The following NHLRC2 variants were observed in gnomAD, a reference collection of about 807,000 sequenced individuals.
The protein encoded by NHLRC2 is NHL repeat containing 2.
A neutral mutation model predicts 68.1 loss-of-function variants in NHLRC2; 33 were observed. That is an observed-to-expected ratio of 0.48 (90% CI 0.37 to 0.65). NHLRC2 has a LOEUF of 0.65. Ranked by LOEUF, NHLRC2 falls within the 30% of genes least tolerant of loss-of-function variation. The pLI, the probability that NHLRC2 is intolerant of heterozygous loss-of-function variation, is 0.00. For synonymous variants in NHLRC2, 311 were observed against 309.6 expected, an observed-to-expected ratio of 1.00 and a Z score of -0.05; for missense variants, 761 against 853.8, an observed-to-expected ratio of 0.89 and a Z score of 1.35.
At chr10:113,882,584 A>G (rs536542793) in intron 4 of NHLRC2, among the ~76,000 whole-genome samples, 3 of 151,842 alleles carry the variant, frequency 2.0e-5, no homozygotes, top group African/African-American at 7.2e-5. Flanking sequence ...TGTATATTCT[A>G]GGTACAAGTT....
intron 5 of NHLRC2, among the ~76,000 whole-genome samples, chr10:113,895,032 A>G (rs568840664): frequency 3.9e-5 from 6 of 152,324 alleles, no homozygotes; most frequent in Middle Eastern, 3.4e-3. Flanking sequence ...TGGCATGACT[A>G]TATTATCATA....
rs554713937 is a variant in NHLRC2, at chr10:113,876,817, G to A, written c.628G>A (p.Gly210Arg). ...DRGQIRDNKI[G>R]IKLYKDSLPP... ...GGGGCAGATCAGAGATAATAAAATTGGAATAAAACTCTATAAAGATTCTTT... is the reference window on the plus strand; with the variant it reads ...GGGGCAGATCAGAGATAATAAAATTAGAATAAAACTCTATAAAGATTCTTT... Residue 210 changes from glycine to arginine, a missense_variant, in exon 3 of 11, where the codon GGA (glycine) becomes AGA (arginine). Coordinates refer to ENST00000369301, the MANE Select transcript of NHLRC2 (RefSeq NM_198514.4). 14 of 1,612,714 alleles carry A rather than the reference G, an allele frequency of 8.7e-6. No individual in the cohort carries two copies. Among genetic ancestry groups the A allele is most frequent in the African/African-American group, 1.3e-5 (1 of 74,966 alleles).
At chr10:113,907,021 C>T (rs182009439) in intron 10 of NHLRC2, among the ~76,000 whole-genome samples, 155 of 152,218 alleles carry the variant, frequency 1.0e-3, no homozygotes, top group Non-Finnish European at 1.9e-3. Flanking sequence ...AAGTTCTCTA[C>T]TAATCTCTCT....
chr10:113,902,802 A>C (rs1225823076), intron 8 of NHLRC2, among the ~76,000 whole-genome samples: 1 of 152,236 alleles, frequency 6.6e-6, no homozygotes, highest in Non-Finnish European at 1.5e-5. Context: ...GAAAGCACAG[A>C]ACCAGTTCCA....
In NHLRC2 at chr10:113,914,766, A is replaced by T. The variant is rs1252835318; in HGVS notation, c.*6230A>T. The T allele has an allele frequency of 3.2e-6, 1 of 313,794 alleles. No individual in the cohort carries two copies. Among genetic ancestry groups the T allele is most frequent in the East Asian group, 8.3e-5 (1 of 12,070 alleles). The allele number at this position is 313,794 out of a possible 1,614,324, so 19.4% of individuals were successfully genotyped here. On this transcript the variant is annotated 3_prime_UTR_variant, in exon 11 of 11. Transcript: ENST00000369301. ...GCACAGTTTATTTAAATGAAGTATTAGCAATAATCATGTCACTATTTTGTC... is the reference window on the plus strand; with the variant it reads ...GCACAGTTTATTTAAATGAAGTATTTGCAATAATCATGTCACTATTTTGTC...
At chr10:113,859,734 A>ATG (rs1305408582) in intron 2 of NHLRC2, among the ~76,000 whole-genome samples, 1 of 151,500 alleles carries the variant, frequency 6.6e-6, no homozygotes, top group Admixed American at 6.6e-5. Flanking sequence ...ACATGTTGTT[A>ATG]TGTGCAGGGT....
rs1049899536 is a variant in NHLRC2 at position 113,901,675 on chromosome 10, A to C, written c.1149A>C (p.Thr383=). 6.2e-7 allele frequency: 1 copy of C among 1,613,172 alleles called. No homozygotes were observed. Among genetic ancestry groups the C allele is most frequent in the Non-Finnish European group, 8.5e-7 (1 of 1,179,088 alleles). ...AACTTGTCTTTTTCAGTGAGTTAACAAAAGGAACCTGCCTTAGGTTTGCTG... is the reference window on the plus strand; with the variant it reads ...AACTTGTCTTTTTCAGTGAGTTAACCAAAGGAACCTGCCTTAGGTTTGCTG... ...SGKLPKKNEL[T]KGTCLRFAGS... is the part of the protein sequence containing the mutation. The change falls in exon 7 of 11, where the codon ACA becomes ACC. Residue 383 remains threonine, a synonymous_variant. Coordinates refer to ENST00000369301, the MANE Select transcript of NHLRC2 (RefSeq NM_198514.4).
Position 113,908,295 on chromosome 10 carries a change from T to C in NHLRC2, c.1940T>C (p.Leu647Pro). ...FLTAEGNEWL[L>P]QGQIAAGDIE... is the part of the protein sequence containing the mutation. ...TGATTTTTAGGCAATGAATGGCTAC[T>C]TCAAGGACAGATAGCAGCTGGAGAT... The change falls in exon 11 of 11, where the codon CTT becomes CCT. Residue 647 changes from leucine to proline, a missense_variant. By Grantham distance (98) the Leu-to-Pro change is moderately conservative. Coordinates refer to ENST00000369301, the MANE Select transcript of NHLRC2 (RefSeq NM_198514.4). 1.9e-6 allele frequency: 3 copies of C among 1,613,578 alleles called. No homozygotes were observed. In the South Asian group the frequency reaches 3.3e-5, roughly 18 times the overall value.
chr10:113,875,640 A>G (rs776638158), intron 2 of NHLRC2, among the ~76,000 whole-genome samples: 4 of 152,158 alleles, frequency 2.6e-5, no homozygotes, highest in Non-Finnish European at 5.9e-5. Context: ...CTGCTGTACA[A>G]TCTATCTGGT....
At chr10:113,895,700 A>C (rs947959357) in intron 5 of NHLRC2, among the ~76,000 whole-genome samples, 10 of 152,112 alleles carry the variant, frequency 6.6e-5, no homozygotes, top group Non-Finnish European at 1.3e-4. Context: ...TGATGTGCTC[A>C]TTTTACAGAT....
In NHLRC2 at chr10:113,898,215, T is replaced by C. The variant is rs962227561; in HGVS notation, c.1139+6T>C. The C allele has an allele frequency of 1.3e-6, 2 of 1,581,248 alleles. No homozygotes were observed. The highest frequency in any genetic ancestry group is 1.7e-6 in the Non-Finnish European group (2 of 1,150,470). The stretch of plus-strand genomic sequence containing the variant: ...GGCAAACTGCCAAAGAAAAAGTAAG[T>C]GACAGCCTCTCTCTTTGAGTAGACT... On this transcript the variant is annotated splice_donor_region_variant and intron_variant, in intron 6 of 10. Transcript: ENST00000369301.
chr10:113,873,435 G>T (rs1845948246), intron 2 of NHLRC2, among the ~76,000 whole-genome samples: 1 of 152,094 alleles, frequency 6.6e-6, no homozygotes, highest in Non-Finnish European at 1.5e-5. Context: ...AATAATGAGA[G>T]AACTAATAGA....
At chr10:113,897,623 C>T (rs1846188200) in intron 5 of NHLRC2, among the ~76,000 whole-genome samples, 3 of 152,208 alleles carry the variant, frequency 2.0e-5, no homozygotes, top group Admixed American at 1.3e-4. Flanking sequence ...TTCGTAGTCC[C>T]GGGTTGTGGC....
chr10:113,900,348 G>T (rs1846216969), intron 6 of NHLRC2, among the ~76,000 whole-genome samples: 1 of 152,122 alleles, frequency 6.6e-6, no homozygotes, highest in African/African-American at 2.4e-5. Flanking sequence ...TTTACATGAG[G>T]CATAATTATA....
intron 3 of NHLRC2, among the ~76,000 whole-genome samples, chr10:113,878,843 T>C (rs1299492951): frequency 6.6e-6 from 1 of 152,140 alleles, no homozygotes; most frequent in African/African-American, 2.4e-5. Context: ...GTTTGTTTTC[T>C]AGCCACTCTG....
rs896647914 is a variant in NHLRC2, at chr10:113,855,022, G to A, written c.150G>A (p.Gln50=). ...TGCAGAAGGTGGACGGCTGGGAGCA[G>A]GACTTGTCAGTACCCGAGTTTCCGG... ...QYLQKVDGWE[Q]DLSVPEFPEG... The change falls in exon 1 of 11, where the codon CAG becomes CAA. Residue 50 remains glutamine, a synonymous_variant. Coordinates refer to ENST00000369301, the MANE Select transcript of NHLRC2 (RefSeq NM_198514.4). 23 of 1,553,068 alleles carry A rather than the reference G, an allele frequency of 1.5e-5. No homozygotes were observed. Among genetic ancestry groups the A allele is most frequent in the East Asian group, 1.5e-4 (6 of 41,060 alleles).
chr10:113,886,525 T>C (rs1846084055), intron 5 of NHLRC2, among the ~76,000 whole-genome samples: 2 of 152,096 alleles, frequency 1.3e-5, no homozygotes, highest in Non-Finnish European at 2.9e-5. Context: ...GGTACTGTTA[T>C]AAAAACACAC....
At chr10:113,897,517 TTACTC>T (rs1846187208) in intron 5 of NHLRC2, among the ~76,000 whole-genome samples, 1 of 152,230 alleles carries the variant, frequency 6.6e-6, no homozygotes. Flanking sequence ...CCTCCAAGCA[TTACTC>T]TAAGTGCATC....
At chr10:113,864,613 C>T (rs1406311650) in intron 2 of NHLRC2, among the ~76,000 whole-genome samples, 2 of 150,998 alleles carry the variant, frequency 1.3e-5, no homozygotes, top group African/African-American at 4.9e-5. Context: ...AAGAGAATCG[C>T]TTGAACCCAC....
Sources: allele counts gnomAD v4.1 joint callset (sites outside exome capture counted in the v4.1 genomes callset), GRCh38; gene constraint gnomAD v4.1.1; transcripts MANE v1.5; gene names NCBI Gene and HGNC (gene_info 2026-07-23, HGNC 2026-07-21).